TANGO6: variants seen among roughly 807,000 people sequenced by gnomAD.
TANGO6 encodes the protein transport and golgi organization 6 homolog, also known as transport and Golgi organization protein 6 homolog.
TANGO6 carries 90 observed loss-of-function variants against 114.2 expected under a neutral mutation model. The observed-to-expected ratio is 0.79, with a 90% CI of 0.66 to 0.94. The LOEUF is 0.94. TANGO6 is among the 40% of genes least tolerant of loss of function. The pLI is 0.00. For missense variants in TANGO6, 1,274 were observed against 1,315.3 expected, an observed-to-expected ratio of 0.97 and a Z score of 0.49; for synonymous variants, 477 against 509.8, an observed-to-expected ratio of 0.94 and a Z score of 0.87.
chr16:68,988,999 G>T lies in TANGO6; in HGVS notation c.2842+14831G>T, dbSNP rs1427437702. Among the ~76,000 whole-genome samples the T allele has an allele frequency of 4.6e-5, 7 of 152,224 alleles. No homozygotes were observed. The South Asian group carries it at 1.5e-3, about 32-fold the overall frequency. ...TCCCTCTTCAGTTTCCCAAGTATGG[G>T]ACTACAGGTGCATGCCAACACACCT... On this transcript the variant is annotated intron_variant, in intron 15 of 17. Coordinates refer to ENST00000261778, the MANE Select transcript of TANGO6 (RefSeq NM_024562.2).
chr16:69,046,414 A>G (rs7186727), intron 17 of TANGO6, among the ~76,000 whole-genome samples: 27,758 of 151,134 alleles, frequency 0.18, 2,793 homozygotes, highest in African/African-American at 0.28. Flanking sequence ...CTGCCTACCT[A>G]TTCAAGCGAT....
At chr16:68,892,171 G>A (rs997442127) in intron 7 of TANGO6, among the ~76,000 whole-genome samples, 1 of 152,174 alleles carries the variant, frequency 6.6e-6, no homozygotes, top group Non-Finnish European at 1.5e-5. Context: ...TGCCTTCAAG[G>A]CGTTCCTAGT....
intron 15 of TANGO6, among the ~76,000 whole-genome samples, chr16:68,993,693 A>G (rs2152218894): frequency 6.6e-6 from 1 of 152,308 alleles, no homozygotes; most frequent in East Asian, 1.9e-4. Flanking sequence ...GTCATGCTTT[A>G]ATGAGTTTGA....
At position 68,974,026 on chromosome 16, in the gene TANGO6, A is replaced by C. The variant is rs766564424; in HGVS notation, c.2702-2A>C. 1 of 1,603,132 alleles carries C rather than the reference A, an allele frequency of 6.2e-7. No individual in the cohort carries two copies. The highest frequency in any genetic ancestry group is 1.7e-5 in the Admixed American group (1 of 57,222). ...ATCCTTTCTTTTTGTTTTCAACCCC[A>C]GGGGTTGCCCTGCTGTCAGACGTCT... On this transcript the variant is annotated splice_acceptor_variant, in intron 14 of 17. Coordinates refer to ENST00000261778, the MANE Select transcript of TANGO6 (RefSeq NM_024562.2). LOFTEE classifies it high-confidence loss of function.
At chr16:68,950,127 G>A (rs911524839) in intron 14 of TANGO6, among the ~76,000 whole-genome samples, 6 of 152,212 alleles carry the variant, frequency 3.9e-5, no homozygotes, top group African/African-American at 1.4e-4. Flanking sequence ...ATAGTTGTCA[G>A]AGGATGTGGG....
At chr16:69,023,064 GCT>G in intron 16 of TANGO6, 85 bp downstream of exon 16, 1 of 1,399,200 alleles carries the variant, frequency 7.1e-7, no homozygotes, top group Non-Finnish European at 9.5e-7. Context: ...GGAGACCTGG[GCT>G]CTTTTTGCAG....
intron 15 of TANGO6, among the ~76,000 whole-genome samples, chr16:68,976,468 A>G (rs1963766459): frequency 6.6e-6 from 1 of 152,252 alleles, no homozygotes; most frequent in Admixed American, 6.5e-5. Context: ...ACAAGGACAA[A>G]GAAAACAATA....
chr16:68,987,425 G>A (rs1163910308), intron 15 of TANGO6, among the ~76,000 whole-genome samples: 1 of 152,168 alleles, frequency 6.6e-6, no homozygotes, highest in African/African-American at 2.4e-5. Flanking sequence ...CTGGCATGCA[G>A]TAGCATGATC....
chr16:68,895,912 A>G (rs1208772502), intron 7 of TANGO6, among the ~76,000 whole-genome samples: 4 of 152,020 alleles, frequency 2.6e-5, no homozygotes. Flanking sequence ...TTGTTTTTAG[A>G]TGACTAGTCC....
chr16:68,890,956 C>T (rs146926808), intron 7 of TANGO6, among the ~76,000 whole-genome samples: 3,537 of 151,094 alleles, frequency 0.023, 91 homozygotes, highest in African/African-American at 0.065. Context: ...ACTTGGGAGG[C>T]GGAGGTTGCA....
intron 7 of TANGO6, among the ~76,000 whole-genome samples, chr16:68,893,296 G>C (rs1962653809): frequency 6.6e-6 from 1 of 152,196 alleles, no homozygotes; most frequent in South Asian, 2.1e-4. Flanking sequence ...AGGAAACAGA[G>C]AAGTCCACTG....
At chr16:68,891,108 G>A (rs1312659944) in intron 7 of TANGO6, among the ~76,000 whole-genome samples, 1 of 150,940 alleles carries the variant, frequency 6.6e-6, no homozygotes, top group African/African-American at 2.4e-5. Context: ...CCTGGCCAAC[G>A]TGGTGAAACC....
In TANGO6 at chr16:69,009,301, G is replaced by A. The variant is rs932885976; in HGVS notation, c.2843-13527G>A. On this transcript the variant is annotated intron_variant, in intron 15 of 17. Coordinates refer to ENST00000261778, the MANE Select transcript of TANGO6 (RefSeq NM_024562.2). ...TCTCCATGTTGATAAGGCTGGTCTC[G>A]AACTCCTGATCTCAGGTGATCCACC... is the stretch of plus-strand genomic sequence containing the variant. Among the ~76,000 whole-genome samples, 58 of 151,732 alleles carry A rather than the reference G, an allele frequency of 3.8e-4. 1 individual carries two copies. The highest frequency in any genetic ancestry group is 3.4e-3 in the Middle Eastern group (1 of 294).
In TANGO6 at chr16:69,076,088, C is replaced by CTTTTT. The variant is rs34844519; in HGVS notation, c.3109-7380_3109-7376dup. ...TGAATTCAACATTTTTATTTCATTT[C>CTTTTT]TTTTTTTTTTTTTTTTTTTTTGAGA... On this transcript the variant is annotated intron_variant, in intron 17 of 17. Transcript: ENST00000261778. 5.5e-3 allele frequency among the ~76,000 whole-genome samples: 470 copies of CTTTTT among 85,616 alleles called. 2 individuals are homozygous for CTTTTT. Among genetic ancestry groups the CTTTTT allele is most frequent in the Non-Finnish European group, 6.8e-3 (324 of 47,700 alleles). The allele number at this position is 85,616 out of a possible 152,430, so 56.2% of individuals were successfully genotyped here.
intron 17 of TANGO6, among the ~76,000 whole-genome samples, chr16:69,083,232 T>G (rs1338581637): frequency 6.6e-6 from 1 of 151,866 alleles, no homozygotes; most frequent in Non-Finnish European, 1.5e-5. Context: ...GGCTGATTTT[T>G]GTATATTTTG....
At position 69,022,824 on chromosome 16, in the gene TANGO6, A is replaced by G. The variant is rs1463520083; in HGVS notation, c.2843-4A>G. 11 of 1,569,988 alleles carry G rather than the reference A, an allele frequency of 7.0e-6. No individual in the cohort carries two copies. The highest frequency in any genetic ancestry group is 8.6e-6 in the Non-Finnish European group (10 of 1,156,918). ...GGGTTTTGATTTCTTCCTTTTTCCTATAGGAGACATGGTCTCAAAGTACCG... is the reference window on the plus strand; with the variant it reads ...GGGTTTTGATTTCTTCCTTTTTCCTGTAGGAGACATGGTCTCAAAGTACCG... On this transcript the variant is annotated splice_region_variant and splice_polypyrimidine_tract_variant and intron_variant, in intron 15 of 17. Coordinates refer to ENST00000261778, the MANE Select transcript of TANGO6 (RefSeq NM_024562.2).
intron 17 of TANGO6, among the ~76,000 whole-genome samples, chr16:69,063,808 C>CTTCTTCTTCTTCTTCTTATTATTATTA (rs56983779): frequency 5.5e-4 from 69 of 125,566 alleles, no homozygotes; most frequent in African/African-American, 2.2e-3. Context: ...TCTTCTTCTT[C>CTTCTTCTTCTTCTTCTTATTATTATTA]TTATTATTAT....
At chr16:68,876,398 T>C (rs1211116325) in intron 5 of TANGO6, among the ~76,000 whole-genome samples, 2 of 151,112 alleles carry the variant, frequency 1.3e-5, no homozygotes, top group African/African-American at 4.9e-5. Flanking sequence ...TGACCTCAGG[T>C]GATCCGCCTG....
At chr16:68,932,505 C>G (rs75045263) in intron 14 of TANGO6, among the ~76,000 whole-genome samples, 1 of 151,940 alleles carries the variant, frequency 6.6e-6, no homozygotes, top group African/African-American at 2.4e-5. Context: ...ACATTAGGAC[C>G]GGGAGCAGTG....
Sources: allele counts gnomAD v4.1 joint callset (sites outside exome capture counted in the v4.1 genomes callset), GRCh38; gene constraint gnomAD v4.1.1; transcripts MANE v1.5; gene names NCBI Gene and HGNC (gene_info 2026-07-23, HGNC 2026-07-21).